The following IQSEC1 variants were observed in gnomAD, a reference collection of about 807,000 sequenced individuals.
IQSEC1 encodes the protein IQ motif and Sec7 domain ArfGEF 1, also known as IQ motif and SEC7 domain-containing protein 1.
In IQSEC1, 31 loss-of-function variants were observed where a neutral mutation model predicts 91.0. That is an observed-to-expected ratio of 0.34 (90% CI 0.26 to 0.46). IQSEC1 has a LOEUF of 0.46. Among genes scored for constraint, IQSEC1 ranks in the 20% least tolerant of loss-of-function variants. IQSEC1 has a pLI of 1.00. For missense variants in IQSEC1, 1,388 were observed against 1,575.6 expected, an observed-to-expected ratio of 0.88 and a Z score of 2.02; for synonymous variants, 699 against 662.6, an observed-to-expected ratio of 1.05 and a Z score of -0.84.
intron 3 of IQSEC1, among the ~76,000 whole-genome samples, chr3:12,929,317 C>T (rs1484836978): frequency 1.3e-5 from 2 of 152,234 alleles, no homozygotes; most frequent in East Asian, 3.9e-4. Flanking sequence ...GCTAGAAGAA[C>T]TCACCCGGGG....
In IQSEC1 at chr3:13,214,939, T is replaced by C. The variant is rs552818108; in HGVS notation, c.273-50806A>G. On this transcript the variant is annotated intron_variant, in intron 1 of 15. Coordinates refer to the IQSEC1 transcript ENST00000648114. This position sits in a 1 kb window ranked among gnomAD's most constrained non-coding sequence, Gnocchi z 4.5. ...GAGTGAACGGATGAGTGGAATTTAC[T>C]GCACCCATAAGTAGAATCTTGAGCC... Among the ~76,000 whole-genome samples the C allele has an allele frequency of 2.6e-5, 4 of 152,328 alleles. No homozygotes were observed. In the East Asian group the frequency reaches 7.7e-4, roughly 29 times the overall value.
chr3:13,179,935 T>G (rs2125015467), intron 1 of IQSEC1, among the ~76,000 whole-genome samples: 1 of 152,346 alleles, frequency 6.6e-6, no homozygotes, highest in East Asian at 1.9e-4. Context: ...CGCTGGGCCT[T>G]AGCTGCCTTC....
At chr3:13,002,746 A>T (rs1702474069) in intron 1 of IQSEC1, among the ~76,000 whole-genome samples, 1 of 152,252 alleles carries the variant, frequency 6.6e-6, no homozygotes, top group East Asian at 1.9e-4. Context: ...GATGTTCCAC[A>T]TCAAAGAAAT....
intron 1 of IQSEC1, among the ~76,000 whole-genome samples, chr3:12,956,285 C>T (rs964300923): frequency 1.3e-5 from 2 of 152,164 alleles, no homozygotes; most frequent in Non-Finnish European, 2.9e-5. Context: ...CAAGGCCCAA[C>T]GCAAAGAACA....
chr3:13,092,025 A>C (rs1029110701), intron 2 of IQSEC1, among the ~76,000 whole-genome samples: 1 of 151,994 alleles, frequency 6.6e-6, no homozygotes, highest in African/African-American at 2.4e-5. Context: ...GGGCCTGTGC[A>C]TGGTCGAGGC....
intron 1 of IQSEC1, among the ~76,000 whole-genome samples, chr3:13,219,425 A>T (rs1386661704): frequency 6.6e-6 from 1 of 152,156 alleles, no homozygotes; most frequent in Non-Finnish European, 1.5e-5. Flanking sequence ...CCACATTGGA[A>T]AAATATTTCT....
intron 2 of IQSEC1, among the ~76,000 whole-genome samples, chr3:13,130,835 G>T (rs1706599296): frequency 2.0e-5 from 3 of 151,828 alleles, no homozygotes; most frequent in South Asian, 2.1e-4. Context: ...CATGCCTGTA[G>T]TCCCAGCTAT....
chr3:13,055,834 G>A (rs1704859409), intron 1 of IQSEC1, among the ~76,000 whole-genome samples: 1 of 152,138 alleles, frequency 6.6e-6, no homozygotes, highest in Admixed American at 6.5e-5. Flanking sequence ...ACATCCTGGC[G>A]GAGGGGCCCT....
At chr3:13,143,389 A>T (rs1203436340) in intron 2 of IQSEC1, among the ~76,000 whole-genome samples, 1 of 152,188 alleles carries the variant, frequency 6.6e-6, no homozygotes, top group African/African-American at 2.4e-5. Flanking sequence ...GCCACCATGG[A>T]TTCTGTTACA....
chr3:13,100,555 G>A (rs1244751652), intron 2 of IQSEC1, among the ~76,000 whole-genome samples: 3 of 148,468 alleles, frequency 2.0e-5, no homozygotes, highest in Non-Finnish European at 4.5e-5. Flanking sequence ...GGACAGCGGC[G>A]GGCGCCCAGG....
At chr3:13,050,109 C>T (rs1032865844) in intron 1 of IQSEC1, among the ~76,000 whole-genome samples, 1 of 146,298 alleles carries the variant, frequency 6.8e-6, no homozygotes, top group Non-Finnish European at 1.5e-5. Flanking sequence ...AGCAGTTCCT[C>T]CCACCAGCTG....
At chr3:13,006,013 C>A (rs1576153040) in intron 1 of IQSEC1, among the ~76,000 whole-genome samples, 1 of 152,344 alleles carries the variant, frequency 6.6e-6, no homozygotes, top group East Asian at 1.9e-4. Context: ...ATGATAGTAA[C>A]TTTTTGACTT....
intron 2 of IQSEC1, among the ~76,000 whole-genome samples, chr3:13,112,604 A>G (rs1228983773): frequency 6.6e-6 from 1 of 152,242 alleles, no homozygotes; most frequent in Non-Finnish European, 1.5e-5. Flanking sequence ...GGCACCTCTG[A>G]GCACCTGCCA....
intron 1 of IQSEC1, among the ~76,000 whole-genome samples, chr3:13,200,421 T>A (rs1694223223): frequency 6.6e-6 from 1 of 152,220 alleles, no homozygotes; most frequent in Non-Finnish European, 1.5e-5. Context: ...CAGACTCATG[T>A]TTCTCTTTCT....
chr3:13,131,889 A>G (rs923000449), intron 2 of IQSEC1, among the ~76,000 whole-genome samples: 7 of 151,952 alleles, frequency 4.6e-5, no homozygotes, highest in African/African-American at 1.7e-4. Context: ...TAATGGTCCC[A>G]TTGTAGTTTT....
At chr3:13,088,369 A>G (rs948344045) in intron 2 of IQSEC1, among the ~76,000 whole-genome samples, 4 of 152,154 alleles carry the variant, frequency 2.6e-5, no homozygotes, top group Admixed American at 2.6e-4. Context: ...AGATACCTCC[A>G]CCACATCTAT....
At chr3:13,131,714 T>G (rs1706624448) in intron 2 of IQSEC1, among the ~76,000 whole-genome samples, 1 of 152,154 alleles carries the variant, frequency 6.6e-6, no homozygotes, top group Non-Finnish European at 1.5e-5. Context: ...CTCGAACTCC[T>G]GACCTCAGGT....
At chr3:13,029,052 T>A (rs904154659) in intron 1 of IQSEC1, among the ~76,000 whole-genome samples, 13 of 152,250 alleles carry the variant, frequency 8.5e-5, no homozygotes, top group African/African-American at 2.7e-4. Flanking sequence ...TGGAAGGAGC[T>A]AACGCTGTGT....
At chr3:13,051,480 G>A (rs146356659) in intron 1 of IQSEC1, among the ~76,000 whole-genome samples, 2 of 152,164 alleles carry the variant, frequency 1.3e-5, no homozygotes, top group East Asian at 1.9e-4. Flanking sequence ...CAGGGGCAGG[G>A]GCAGGGATCT....
Sources: allele counts gnomAD v4.1 joint callset (sites outside exome capture counted in the v4.1 genomes callset), GRCh38; gene constraint gnomAD v4.1.1; non-coding constraint Gnocchi (gnomAD v3.1); transcripts MANE v1.5; gene names NCBI Gene and HGNC (gene_info 2026-07-23, HGNC 2026-07-21).